FASTKD1: variants seen among roughly 807,000 people sequenced by gnomAD.
FASTKD1 encodes FAST kinase domains 1.
In FASTKD1, 94 loss-of-function variants were observed where a neutral mutation model predicts 90.9. The observed-to-expected ratio is 1.03, with a 90% CI of 0.88 to 1.23. FASTKD1 has a LOEUF of 1.23. Among genes scored for constraint, FASTKD1 ranks in the 50% most tolerant of loss-of-function variants. The pLI is 0.00. For synonymous variants in FASTKD1, 319 were observed against 345.8 expected (o/e 0.92, Z 0.86); for missense variants, 945 against 993.5 (o/e 0.95, Z 0.66).
rs1319832476 is a variant in FASTKD1 at position 169,571,877 on chromosome 2, T to C, written c.153A>G (p.Gln51=). Residue 51 remains glutamine, a synonymous_variant, in exon 2 of 15, where the codon CAA becomes CAG. Coordinates refer to ENST00000453153, the MANE Select transcript of FASTKD1 (RefSeq NM_024622.6). ...TGTTTCTTTCAATAAAACCAAACAT[T>C]TGCTCCTCATCTGTACACTTATTCA... The part of the protein sequence containing the change: ...IQMNKCTDEE[Q]MFGFIERNKA... 1 of 1,614,094 alleles carries C rather than the reference T, an allele frequency of 6.2e-7. No homozygotes were observed. Among genetic ancestry groups the C allele is most frequent in the South Asian group, 1.1e-5 (1 of 91,074 alleles).
intron 9 of FASTKD1, among the ~76,000 whole-genome samples, chr2:169,542,429 G>A (rs1382596015): frequency 1.3e-5 from 2 of 152,044 alleles, no homozygotes; most frequent in African/African-American, 4.8e-5. Context: ...ACACAACTCA[G>A]GACCCAAAAT....
intron 10 of FASTKD1, among the ~76,000 whole-genome samples, chr2:169,539,411 AC>A (rs1684870547): frequency 1.3e-5 from 2 of 152,268 alleles, no homozygotes; most frequent in African/African-American, 4.8e-5. Context: ...GGAGTTAGAG[AC>A]CAGCCTGGGC....
At chr2:169,552,240 T>C (rs1685519510) in intron 7 of FASTKD1, among the ~76,000 whole-genome samples, 1 of 152,318 alleles carries the variant, frequency 6.6e-6, no homozygotes, top group African/African-American at 2.4e-5. Context: ...CTCTCCTTAC[T>C]CAGAATTTAA....
Position 169,569,281 on chromosome 2 carries a change from C to T in FASTKD1, c.378-29G>A, listed in dbSNP as rs1040750589. The T allele has an allele frequency of 1.9e-6, 3 of 1,595,118 alleles. No individual in the cohort carries two copies. In the African/African-American group the frequency reaches 4.0e-5, roughly 21 times the overall value. ...AATAAAAAAGAAAGAATCCTCCATA[C>T]ATAATCATTTTAAAATCATTAAAAA... On this transcript the variant is annotated intron_variant, in intron 2 of 14. Transcript: ENST00000453153.
chr2:169,531,389 C>G lies in FASTKD1; in HGVS notation c.2290G>C (p.Glu764Gln). ...LPEMPWESNI[E>Q]IVGSRLPPGA... ...GGTGGCAGCCTTGATCCAACTATTTCGATATTTGATTCCCAGGGCATTTCT... is the reference window on the plus strand; with the variant it reads ...GGTGGCAGCCTTGATCCAACTATTTGGATATTTGATTCCCAGGGCATTTCT... The change falls in exon 13 of 15, where the codon GAA becomes CAA. Residue 764 changes from glutamate to glutamine, a missense_variant. By Grantham distance (29) the Glu-to-Gln change is conservative. Transcript: ENST00000453153. 6.2e-7 allele frequency: 1 copy of G among 1,613,314 alleles called. No homozygotes were observed. Among genetic ancestry groups the G allele is most frequent in the Non-Finnish European group, 8.5e-7 (1 of 1,179,846 alleles).
Position 169,561,664 on chromosome 2 carries a change from A to G in FASTKD1, c.573-879T>C, listed in dbSNP as rs549162417. ...GTATGTAAAATTTGTGAATTTGTTT[A>G]TAAATTAATTATAAATTAATCCATT... On this transcript the variant is annotated intron_variant, in intron 4 of 14. Coordinates refer to ENST00000453153, the MANE Select transcript of FASTKD1 (RefSeq NM_024622.6). Among the ~76,000 whole-genome samples, 3 of 149,776 alleles carry G rather than the reference A, an allele frequency of 2.0e-5. No homozygotes were observed. The East Asian group carries it at 5.8e-4, about 29-fold the overall frequency.
chr2:169,537,310 T>C lies in FASTKD1; in HGVS notation c.2105A>G (p.Gln702Arg), dbSNP rs980064055. The C allele has an allele frequency of 2.1e-5, 34 of 1,612,534 alleles. No individual in the cohort carries two copies. The highest frequency in any genetic ancestry group is 2.5e-5 in the Non-Finnish European group (30 of 1,179,014). The stretch of plus-strand genomic sequence containing the variant: ...TACCTCTGCTAACATTTTAAAAATC[T>C]GCTGTTGTGTTCCATCCATGCCACC... ...GIGGMDGTQQ[Q>R]IFKMLAEVLG... The change falls in exon 12 of 15, where the codon CAG (glutamine) becomes CGG (arginine). Residue 702 changes from glutamine (Q) to arginine (R), a missense_variant. By Grantham distance (43) the Gln-to-Arg change is conservative. Coordinates refer to ENST00000453153, the MANE Select transcript of FASTKD1 (RefSeq NM_024622.6).
Position 169,563,246 on chromosome 2 carries a change from A to G in FASTKD1, c.551T>C (p.Leu184Ser), listed in dbSNP as rs947330179. 6.2e-7 allele frequency: 1 copy of G among 1,611,384 alleles called. No homozygotes were observed. The highest frequency in any genetic ancestry group is 8.5e-7 in the Non-Finnish European group (1 of 1,179,490). Residue 184 changes from leucine (L) to serine (S), a missense_variant, in exon 4 of 15, where the codon TTG becomes TCG. Leu to Ser is a moderately radical substitution (Grantham distance 145). Coordinates refer to ENST00000453153, the MANE Select transcript of FASTKD1 (RefSeq NM_024622.6). Reference sequence around the variant, plus strand: ...TTACCTTAAGTCCTGTGTGGTTTCCAAGTTCCTATGAACAATATCAGCTAT... The same window carrying G: ...TTACCTTAAGTCCTGTGTGGTTTCCGAGTTCCTATGAACAATATCAGCTAT... ...GKIADIVHRN[L>S]ETTQDLSSLS...
chr2:169,541,444 C>T (rs563128507), intron 9 of FASTKD1, among the ~76,000 whole-genome samples: 4 of 152,298 alleles, frequency 2.6e-5, no homozygotes, highest in African/African-American at 9.6e-5. Flanking sequence ...CATCTTTCTA[C>T]ATATAGTTGT....
At position 169,546,417 on chromosome 2, in the gene FASTKD1, C is replaced by G. The variant is rs775202630; in HGVS notation, c.1502G>C (p.Arg501Pro). The G allele has an allele frequency of 1.2e-6, 2 of 1,614,090 alleles. No individual in the cohort carries two copies. Among genetic ancestry groups the G allele is most frequent in the Non-Finnish European group, 1.7e-6 (2 of 1,180,002 alleles). Residue 501 changes from arginine (R) to proline (P), a missense_variant, in exon 8 of 15, where the codon CGG (arginine) becomes CCG (proline). Arg to Pro is a moderately radical substitution (Grantham distance 103). Coordinates refer to ENST00000453153, the MANE Select transcript of FASTKD1 (RefSeq NM_024622.6). ...TCCTTTGAGAGATTTAAGTTCCTTC[C>G]GTAACAGATCCAAACTGTTGCTGTG... ...LQHSNSLDLL[R>P]KELKSLKGNT...
At chr2:169,555,050 T>A in intron 7 of FASTKD1, 74 bp downstream of exon 7, 1 of 1,416,996 alleles carries the variant, frequency 7.1e-7, no homozygotes, top group Non-Finnish European at 9.6e-7. Flanking sequence ...CTAGCACCAC[T>A]GTACATAGTT....
chr2:169,569,382 G>T, intron 2 of FASTKD1, 130 bp from the exon 3 acceptor site: 1 of 808,564 alleles, frequency 1.2e-6, no homozygotes, highest in South Asian at 1.6e-5. Flanking sequence ...CTTATTTCTG[G>T]TCCACTCTTA....
Position 169,528,781 on chromosome 2 carries a change from C to G in FASTKD1, c.*1044G>C, listed in dbSNP as rs1035279546. On this transcript the variant is annotated 3_prime_UTR_variant, in exon 15 of 15. Coordinates refer to ENST00000453153, the MANE Select transcript of FASTKD1 (RefSeq NM_024622.6). The stretch of plus-strand genomic sequence containing the variant: ...TTTCCCATTTGTCATCTTTCCTGAC[C>G]TATCAGCAGCATCTGATACAACTAC... 6.6e-6 allele frequency among the ~76,000 whole-genome samples: 1 copy of G among 152,122 alleles called. No individual in the cohort carries two copies. The highest frequency in any genetic ancestry group is 2.4e-5 in the African/African-American group (1 of 41,430).
At position 169,557,241 on chromosome 2, in the gene FASTKD1, G is replaced by A. The variant is rs141705162; in HGVS notation, c.1028C>T (p.Ala343Val). The A allele has an allele frequency of 7.7e-5, 124 of 1,612,358 alleles. No homozygotes were observed. The East Asian group carries it at 2.5e-3, about 33-fold the overall frequency. The change falls in exon 6 of 15, where the codon GCA becomes GTA. Residue 343 changes from alanine (A) to valine (V), a missense_variant. Physicochemically the swap from Ala to Val is moderately conservative, Grantham distance 64. Coordinates refer to ENST00000453153, the MANE Select transcript of FASTKD1 (RefSeq NM_024622.6). ...SEDLTGEQALAVLGAMGDMES... is the reference protein window; with the variant it reads ...SEDLTGEQALVVLGAMGDMES... ...CATATCTCCCATTGCTCCCAACACT[G>A]CCAGGGCTTGCTCGCCAGTTAGGTC... is the stretch of plus-strand genomic sequence containing the variant.
intron 10 of FASTKD1, among the ~76,000 whole-genome samples, chr2:169,538,675 CAA>C (rs35866271): frequency 0.54 from 49,005 of 91,514 alleles, 11,302 homozygotes; most frequent in Admixed American, 0.62. Context: ...AACTCCGTCT[CAA>C]AAAAAAAAAA....
intron 3 of FASTKD1, among the ~76,000 whole-genome samples, chr2:169,566,142 T>A (rs1683969139): frequency 6.6e-6 from 1 of 152,188 alleles, no homozygotes; most frequent in African/African-American, 2.4e-5. Context: ...CGCTTCACTT[T>A]GTTGATTGTA....
chr2:169,529,997 A>C (rs1274572391), intron 14 of FASTKD1, 71 bp from the exon 15 acceptor site: 1 of 1,024,548 alleles, frequency 9.8e-7, no homozygotes, highest in East Asian at 2.5e-5. Flanking sequence ...AAGACATATA[A>C]GCACTACTGA....
intron 3 of FASTKD1, among the ~76,000 whole-genome samples, chr2:169,564,058 C>T (rs1413343380): frequency 2.0e-5 from 3 of 152,000 alleles, no homozygotes; most frequent in Non-Finnish European, 4.4e-5. Flanking sequence ...GATGTTGTTT[C>T]CTTATCTTGG....
intron 8 of FASTKD1, among the ~76,000 whole-genome samples, chr2:169,545,169 G>A (rs1335787085): frequency 6.6e-6 from 1 of 152,160 alleles, no homozygotes; most frequent in Non-Finnish European, 1.5e-5. Context: ...AGGATTGCTT[G>A]AGGCCAGGAG....
Sources: allele counts gnomAD v4.1 joint callset (sites outside exome capture counted in the v4.1 genomes callset), GRCh38; gene constraint gnomAD v4.1.1; transcripts MANE v1.5; gene names NCBI Gene and HGNC (gene_info 2026-07-23, HGNC 2026-07-21).